KIAA0825: variants seen among roughly 807,000 people sequenced by gnomAD.
The protein encoded by KIAA0825 is KIAA0825.
KIAA0825 carries 119 observed loss-of-function variants against 147.6 expected under a neutral mutation model. The observed-to-expected ratio is 0.81, with a 90% confidence interval of 0.69 to 0.94. The LOEUF (loss-of-function observed/expected upper bound fraction) is 0.94, where lower values mean the gene tolerates loss of function less well. KIAA0825 is among the 40% of genes least tolerant of loss of function. The probability of loss-of-function intolerance (pLI) is 0.00; values close to 1 mark genes in which losing one functional copy is unlikely to be tolerated. For missense variants in KIAA0825, 1,381 were observed against 1,472.7 expected (o/e 0.94, Z 1.02); for synonymous variants, 470 against 518.1 (o/e 0.91, Z 1.26).
At chr5:94,166,135 A>G (rs1583719596) in intron 20 of KIAA0825, among the ~76,000 whole-genome samples, 1 of 152,064 alleles carries the variant, frequency 6.6e-6, no homozygotes, top group Non-Finnish European at 1.5e-5. Context: ...ATATACACCT[A>G]TGTAGCCACA....
chr5:94,612,721 A>C (rs1034108534), intron 1 of KIAA0825, among the ~76,000 whole-genome samples: 2 of 152,214 alleles, frequency 1.3e-5, no homozygotes, highest in African/African-American at 2.4e-5. Context: ...TTTACAAATA[A>C]TGAAACAGTG....
chr5:94,424,773 C>A (rs918110216), intron 14 of KIAA0825, among the ~76,000 whole-genome samples: 3 of 151,782 alleles, frequency 2.0e-5, no homozygotes, highest in African/African-American at 7.2e-5. Context: ...AGAAAAGATC[C>A]AAATGAACAA....
intron 1 of KIAA0825, among the ~76,000 whole-genome samples, chr5:94,617,281 G>GA (rs1790788339): frequency 6.6e-6 from 1 of 152,012 alleles, no homozygotes; most frequent in South Asian, 2.1e-4. Context: ...GAGAAATAAA[G>GA]AAAAAATACA....
rs781126845 is a variant in KIAA0825, at chr5:94,523,962, G to A, written c.268C>T (p.His90Tyr). 3 of 1,601,644 alleles carry A rather than the reference G, an allele frequency of 1.9e-6. No individual in the cohort carries two copies. In the Admixed American group the frequency reaches 5.2e-5, roughly 28 times the overall value. The change falls in exon 4 of 21, where the codon CAT becomes TAT. Residue 90 changes from histidine to tyrosine, a missense_variant. Transcript: ENST00000682413. The stretch of plus-strand genomic sequence containing the variant: ...TTGAAAAATTTTATCAAGTCTCCAT[G>A]AGAAATGAAAGATGATTCAGATGTA... The part of the protein sequence containing the change: ...YSTSESSFIS[H>Y]GDLIKFFKTL...
intron 20 of KIAA0825, among the ~76,000 whole-genome samples, chr5:94,335,279 T>C (rs1008029939): frequency 1.3e-5 from 2 of 152,176 alleles, no homozygotes; most frequent in African/African-American, 2.4e-5. Context: ...AAAAATAACA[T>C]CTTTATGATA....
intron 10 of KIAA0825, among the ~76,000 whole-genome samples, chr5:94,469,733 A>G (rs1339411657): frequency 1.3e-5 from 2 of 152,090 alleles, no homozygotes; most frequent in Non-Finnish European, 2.9e-5. Flanking sequence ...TGCAGCTCAA[A>G]TTAAGTTATT....
chr5:94,258,529 TC>T (rs1776349212), intron 20 of KIAA0825, among the ~76,000 whole-genome samples: 1 of 151,894 alleles, frequency 6.6e-6, no homozygotes, highest in South Asian at 2.1e-4. Context: ...GTTCTGTTTT[TC>T]CCCCAGCAAC....
chr5:94,418,867 A>G (rs1753811999), intron 14 of KIAA0825, among the ~76,000 whole-genome samples: 1 of 151,988 alleles, frequency 6.6e-6, no homozygotes. Context: ...TGACAAATTC[A>G]GCCCTCCCAC....
chr5:94,266,450 A>C (rs568815368), intron 20 of KIAA0825, among the ~76,000 whole-genome samples: 1 of 152,364 alleles, frequency 6.6e-6, no homozygotes, highest in Admixed American at 6.5e-5. Context: ...TTTTTGTAAT[A>C]CATTGCAACT....
intron 5 of KIAA0825, among the ~76,000 whole-genome samples, chr5:94,503,135 C>T (rs1462431792): frequency 6.6e-6 from 1 of 150,384 alleles, no homozygotes; most frequent in African/African-American, 2.4e-5. Context: ...TTTAATGGTG[C>T]ACTAAAGACT....
chr5:94,458,609 C>G (rs925493929), intron 12 of KIAA0825, among the ~76,000 whole-genome samples: 1 of 151,856 alleles, frequency 6.6e-6, no homozygotes, highest in Non-Finnish European at 1.5e-5. Flanking sequence ...TTTAATTTTG[C>G]GTTTTTTAAA....
At chr5:94,457,876 G>C (rs1183752518) in intron 12 of KIAA0825, among the ~76,000 whole-genome samples, 1 of 152,158 alleles carries the variant, frequency 6.6e-6, no homozygotes, top group Non-Finnish European at 1.5e-5. Context: ...GTAGCCCAAG[G>C]ATGTAAGCTC....
intron 2 of KIAA0825, among the ~76,000 whole-genome samples, chr5:94,576,501 C>T (rs150226897): frequency 2.4e-4 from 37 of 152,262 alleles, no homozygotes; most frequent in East Asian, 1.5e-3. Context: ...TGCTCAGCCA[C>T]GTCACCATGT....
intron 14 of KIAA0825, among the ~76,000 whole-genome samples, chr5:94,424,929 G>T (rs1584455711): frequency 6.6e-6 from 1 of 152,070 alleles, no homozygotes; most frequent in African/African-American, 2.4e-5. Context: ...AACCTACCAA[G>T]ATTAATTCAG....
At chr5:94,301,158 T>G (rs922473826) in intron 20 of KIAA0825, among the ~76,000 whole-genome samples, 57 of 152,176 alleles carry the variant, frequency 3.7e-4, no homozygotes, top group Non-Finnish European at 2.9e-5. Flanking sequence ...TACTTCCTAC[T>G]GAATTTCCAG....
At chr5:94,606,932 A>C (rs2152429254) in intron 1 of KIAA0825, among the ~76,000 whole-genome samples, 1 of 152,260 alleles carries the variant, frequency 6.6e-6, no homozygotes, top group South Asian at 2.1e-4. Context: ...AGGAGGTACC[A>C]GTCTCTTTTA....
At chr5:94,471,425 T>C in intron 9 of KIAA0825, 41 bp downstream of exon 9, 1 of 1,532,030 alleles carries the variant, frequency 6.5e-7, no homozygotes, top group Non-Finnish European at 8.8e-7. Flanking sequence ...ATTACACGTT[T>C]CTTTAAGCGT....
chr5:94,595,528 G>C (rs1561370815), intron 1 of KIAA0825, among the ~76,000 whole-genome samples: 1 of 152,158 alleles, frequency 6.6e-6, no homozygotes, highest in African/African-American at 2.4e-5. Context: ...ACTTGTGATG[G>C]GAGGGGCTGC....
At chr5:94,204,828 CT>C (rs1468533203) in intron 20 of KIAA0825, among the ~76,000 whole-genome samples, 1 of 152,146 alleles carries the variant, frequency 6.6e-6, no homozygotes, top group Non-Finnish European at 1.5e-5. Flanking sequence ...ACTTCCATAT[CT>C]GGTGAACATC....
Sources: allele counts gnomAD v4.1 joint callset (sites outside exome capture counted in the v4.1 genomes callset), GRCh38; gene constraint gnomAD v4.1.1; transcripts MANE v1.5; gene names NCBI Gene and HGNC (gene_info 2026-07-23, HGNC 2026-07-21).